Variants in CACNA1D observed in about 807,000 individuals in gnomAD.
The protein encoded by CACNA1D is voltage-dependent L-type calcium channel subunit alpha-1D.
CACNA1D carries 55 observed loss-of-function variants against 257.1 expected under a neutral mutation model. The observed-to-expected ratio is 0.21, with a 90% CI of 0.17 to 0.27. The LOEUF is 0.27. CACNA1D is among the 10% of genes least tolerant of loss of function. The pLI, the probability that CACNA1D is intolerant of heterozygous loss-of-function variation, is 1.00. For missense variants in CACNA1D, 1,876 were observed against 2,784.0 expected, an observed-to-expected ratio of 0.67 and a Z score of 7.34; for synonymous variants, 980 against 1,014.9, an observed-to-expected ratio of 0.97 and a Z score of 0.65.
chr3:53,666,533 T>C lies in CACNA1D; in HGVS notation c.1114T>C (p.Trp372Arg). 1.9e-6 allele frequency: 3 copies of C among 1,611,802 alleles called. No individual in the cohort carries two copies. In the South Asian group the frequency reaches 3.3e-5, roughly 18 times the overall value. Residue 372 changes from tryptophan (W) to arginine (R), a missense_variant and splice_region_variant, in exon 7 of 48, where the codon TGG becomes CGG. Trp to Arg is a moderately radical substitution (Grantham distance 101). Transcript: ENST00000350061. ...TMEGWTDVLY[W>R]MNDAMGFELP... ...GGAGGGCTGGACAGATGTGCTCTACTGGGTAAGTACCCTGGGGAGAGAGTT... is the reference window on the plus strand; with the variant it reads ...GGAGGGCTGGACAGATGTGCTCTACCGGGTAAGTACCCTGGGGAGAGAGTT...
chr3:53,618,929 T>G (rs2093665741), intron 3 of CACNA1D, among the ~76,000 whole-genome samples: 1 of 152,080 alleles, frequency 6.6e-6, no homozygotes, highest in South Asian at 2.1e-4. Flanking sequence ...TGAAATGGGG[T>G]TAATAACTCT....
At chr3:53,796,282 G>A in intron 40 of CACNA1D, 1 of 455,080 alleles carries the variant, frequency 2.2e-6, no homozygotes, top group Non-Finnish European at 4.4e-6. Flanking sequence ...TGGGGAACAG[G>A]CTCTGCCAGG....
intron 3 of CACNA1D, among the ~76,000 whole-genome samples, chr3:53,522,244 T>C (rs1471851103): frequency 2.0e-5 from 3 of 152,222 alleles, no homozygotes; most frequent in Admixed American, 6.5e-5. Flanking sequence ...GCACTGGCTA[T>C]ACCCACTGGC....
At chr3:53,627,511 A>G (rs149598761) in intron 3 of CACNA1D, among the ~76,000 whole-genome samples, 2 of 150,848 alleles carry the variant, frequency 1.3e-5, no homozygotes, top group East Asian at 4.0e-4. Flanking sequence ...TCTTAGATCT[A>G]GGAAGGGGAC....
chr3:53,571,441 C>T (rs1381185943), intron 3 of CACNA1D, among the ~76,000 whole-genome samples: 3 of 152,182 alleles, frequency 2.0e-5, no homozygotes, highest in African/African-American at 2.4e-5. Flanking sequence ...CTGTCACATG[C>T]ACTCACTTGC....
chr3:53,572,355 C>CTGGT (rs2092959302), intron 3 of CACNA1D, among the ~76,000 whole-genome samples: 2 of 109,658 alleles, frequency 1.8e-5, no homozygotes, highest in African/African-American at 6.4e-5. Flanking sequence ...CTCTCTGCCT[C>CTGGT]TGGTTTGTTT....
chr3:53,571,805 G>A (rs910144722), intron 3 of CACNA1D, among the ~76,000 whole-genome samples: 14 of 152,128 alleles, frequency 9.2e-5, no homozygotes, highest in Admixed American at 8.5e-4. Context: ...ACAAAAAAGC[G>A]TGTCCTGTGT....
At chr3:53,705,529 C>T (rs764369558) in intron 9 of CACNA1D, among the ~76,000 whole-genome samples, 4 of 152,154 alleles carry the variant, frequency 2.6e-5, no homozygotes, top group African/African-American at 4.8e-5. Flanking sequence ...ACTAGCTTAA[C>T]GTTTGATCCA....
Position 53,811,324 on chromosome 3 carries a change from C to T in CACNA1D, c.6404C>T (p.Pro2135Leu). 6.2e-7 allele frequency: 1 copy of T among 1,608,256 alleles called. No homozygotes were observed. The highest frequency in any genetic ancestry group is 8.5e-7 in the Non-Finnish European group (1 of 1,175,850). ...GACTATGAGCTACAGGACTTTGGTC[C>T]TGGCTACAGCGACGAAGAGCCAGAC... ...RQDYELQDFG[P>L]GYSDEEPDPG... The change falls in exon 48 of 48, where the codon CCT becomes CTT. Residue 2135 changes from proline to leucine, a missense_variant. Pro to Leu is a moderately conservative substitution (Grantham distance 98). Coordinates refer to ENST00000350061, the MANE Select transcript of CACNA1D (RefSeq NM_001128840.3). The surrounding 1 kb of genome is among the most constrained non-coding windows in gnomAD (Gnocchi z 4.2).
chr3:53,790,865 G>A (rs1231770561), intron 40 of CACNA1D: 2 of 653,708 alleles, frequency 3.1e-6, no homozygotes, highest in Non-Finnish European at 5.5e-6. Flanking sequence ...TTTTTTTAAA[G>A]CATGATTCTA....
chr3:53,538,167 TGACA>T (rs1182029970), intron 3 of CACNA1D, among the ~76,000 whole-genome samples: 1 of 136,560 alleles, frequency 7.3e-6, no homozygotes, highest in Non-Finnish European at 1.6e-5. Context: ...TTTTTTTTTT[TGACA>T]GAGTCTCGTT....
At chr3:53,630,020 C>G (rs2108109454) in intron 3 of CACNA1D, among the ~76,000 whole-genome samples, 1 of 152,290 alleles carries the variant, frequency 6.6e-6, no homozygotes, top group South Asian at 2.1e-4. Flanking sequence ...TCCTGCTGCA[C>G]CTGTCCTTAT....
At position 53,613,604 on chromosome 3, in the gene CACNA1D, T is replaced by A. The variant is rs545969286; in HGVS notation, c.484-37175T>A. Among the ~76,000 whole-genome samples, 222 of 152,218 alleles carry A rather than the reference T, an allele frequency of 1.5e-3. 3 individuals carry two copies. Among genetic ancestry groups the A allele is most frequent in the Non-Finnish European group, 4.1e-4 (28 of 68,020 alleles). On this transcript the variant is annotated intron_variant, in intron 3 of 47. Coordinates refer to ENST00000350061, the MANE Select transcript of CACNA1D (RefSeq NM_001128840.3). ...TTTTAAAAAGGATGTGAGAACTCTT[T>A]GGAAACCATAATACATGCTGTGAGT...
At chr3:53,579,106 G>T (rs1460256350) in intron 3 of CACNA1D, among the ~76,000 whole-genome samples, 1 of 152,230 alleles carries the variant, frequency 6.6e-6, no homozygotes, top group African/African-American at 2.4e-5. Flanking sequence ...CTCTAAGTCA[G>T]GCCTGCAGGT....
At position 53,751,652 on chromosome 3, in the gene CACNA1D, G is replaced by A. The variant is rs2095227302; in HGVS notation, c.3517-97G>A. 2 of 1,235,900 alleles carry A rather than the reference G, an allele frequency of 1.6e-6. No individual in the cohort carries two copies. Among genetic ancestry groups the A allele is most frequent in the Admixed American group, 3.4e-5 (2 of 59,300 alleles). 76.6% of individuals were successfully genotyped at this position (1,235,900 alleles called of 1,614,324 possible). ...ACCATCGTCCACGGCCCCTTCCCGG[G>A]AGCTGTAGGGTGAGCTCTTTCAGAG... On this transcript the variant is annotated intron_variant, in intron 27 of 47. Coordinates refer to ENST00000350061, the MANE Select transcript of CACNA1D (RefSeq NM_001128840.3). The surrounding 1 kb of genome is among the most constrained non-coding windows in gnomAD (Gnocchi z 4.3).
intron 3 of CACNA1D, among the ~76,000 whole-genome samples, chr3:53,605,743 A>T (rs1054520685): frequency 6.6e-6 from 1 of 152,214 alleles, no homozygotes; most frequent in Non-Finnish European, 1.5e-5. Flanking sequence ...GCATCCTATG[A>T]TGCAGGTCTG....
At chr3:53,638,765 C>T (rs1382692699) in intron 3 of CACNA1D, among the ~76,000 whole-genome samples, 1 of 152,212 alleles carries the variant, frequency 6.6e-6, no homozygotes, top group Non-Finnish European at 1.5e-5. Context: ...ATGGTGGCCA[C>T]CTCTAGGTAG....
rs2095555198 is a variant in CACNA1D at position 53,805,061 on chromosome 3, A to G, written c.5664A>G (p.Gln1888=). The stretch of plus-strand genomic sequence containing the variant: ...GGCCCCGAGGCTACCATCATCCCCA[A>G]GGATTCTTGGAGGACGATGACTCGC... ...SERPRGYHHP[Q]GFLEDDDSPV... is the part of the protein sequence containing the mutation. Residue 1888 remains glutamine (Q), a synonymous_variant, in exon 45 of 48, where the codon CAA becomes CAG. Coordinates refer to ENST00000350061, the MANE Select transcript of CACNA1D (RefSeq NM_001128840.3). 3.1e-6 allele frequency: 5 copies of G among 1,614,138 alleles called. No individual in the cohort carries two copies. Among genetic ancestry groups the G allele is most frequent in the Non-Finnish European group, 4.2e-6 (5 of 1,180,016 alleles).
At chr3:53,547,611 C>G (rs1461438194) in intron 3 of CACNA1D, among the ~76,000 whole-genome samples, 1 of 152,098 alleles carries the variant, frequency 6.6e-6, no homozygotes, top group African/African-American at 2.4e-5. Flanking sequence ...ATGGACGTTG[C>G]ATTTGTGTGG....
Sources: allele counts gnomAD v4.1 joint callset (sites outside exome capture counted in the v4.1 genomes callset), GRCh38; gene constraint gnomAD v4.1.1; non-coding constraint Gnocchi (gnomAD v3.1); transcripts MANE v1.5; gene names NCBI Gene and HGNC (gene_info 2026-07-23, HGNC 2026-07-21).